Variants in SORCS2 observed in about 807,000 individuals in gnomAD.
SORCS2 encodes the protein VPS10 domain-containing receptor SorCS2.
In SORCS2, 100 loss-of-function variants were observed where a neutral mutation model predicts 141.6. The observed-to-expected ratio is 0.71, with a 90% CI of 0.60 to 0.83. The LOEUF is 0.83. SORCS2 is among the 40% of genes least tolerant of loss of function. The pLI, the probability that SORCS2 is intolerant of heterozygous loss-of-function variation, is 0.00. For synonymous variants in SORCS2, 789 were observed against 676.9 expected (o/e 1.17, Z -2.57); for missense variants, 1,646 against 1,560.2 (o/e 1.05, Z -0.93).
intron 3 of SORCS2, among the ~76,000 whole-genome samples, chr4:7,569,645 C>T (rs909300230): frequency 8.5e-5 from 13 of 152,168 alleles, no homozygotes; most frequent in African/African-American, 2.7e-4. Flanking sequence ...GCAGATGCTC[C>T]GTGACTTCGC....
At chr4:7,351,159 C>T (rs1353125022) in intron 1 of SORCS2, among the ~76,000 whole-genome samples, 2 of 152,190 alleles carry the variant, frequency 1.3e-5, no homozygotes, top group Non-Finnish European at 1.5e-5. Context: ...CTGGTGGAAG[C>T]CCCTGGCCCT....
At chr4:7,641,818 G>GGATGGATGGA (rs1560449730) in intron 4 of SORCS2, among the ~76,000 whole-genome samples, 2 of 55,934 alleles carry the variant, frequency 3.6e-5, no homozygotes, top group Non-Finnish European at 7.7e-5. Flanking sequence ...GGATGGATGG[G>GGATGGATGGA]TGGGTGGATG....
rs376924146 is a variant in SORCS2, at chr4:7,210,477, C to T, written c.480+17351C>T. On this transcript the variant is annotated intron_variant, in intron 1 of 26. Coordinates refer to ENST00000507866, the MANE Select transcript of SORCS2 (RefSeq NM_020777.3). ...TAATTTTTTTGTAGAGATGAGATCT[C>T]GCTGTGTTGCCCAGGCTGGTGTTGA... is the stretch of plus-strand genomic sequence containing the variant. Among the ~76,000 whole-genome samples the T allele has an allele frequency of 4.6e-5, 7 of 152,278 alleles. No individual in the cohort carries two copies. In the East Asian group the frequency reaches 7.7e-4, roughly 17 times the overall value.
At chr4:7,458,351 C>G (rs764590492) in intron 2 of SORCS2, among the ~76,000 whole-genome samples, 4 of 152,088 alleles carry the variant, frequency 2.6e-5, no homozygotes, top group Non-Finnish European at 5.9e-5. Flanking sequence ...CTCAGCGGAG[C>G]AGGGCTGGGT....
chr4:7,389,870 G>A (rs1197505805), intron 1 of SORCS2, among the ~76,000 whole-genome samples: 1 of 152,128 alleles, frequency 6.6e-6, no homozygotes, highest in African/African-American at 2.4e-5. Context: ...CTGAGGGATG[G>A]GAGGAGCCCC....
chr4:7,233,877 C>T lies in SORCS2; in HGVS notation c.480+40751C>T, dbSNP rs1167781325. Among the ~76,000 whole-genome samples, 1 of 152,176 alleles carries T rather than the reference C, an allele frequency of 6.6e-6. No homozygotes were observed. The highest frequency in any genetic ancestry group is 1.5e-5 in the Non-Finnish European group (1 of 68,036). ...GAGGTTTGCACTTGTAATACACTGT[C>T]CTGTCCGCTATCCCATCCCCTTCTC... On this transcript the variant is annotated intron_variant, in intron 1 of 26. Transcript: ENST00000507866. The surrounding 1 kb of genome is among the most constrained non-coding windows in gnomAD (Gnocchi z 4.5).
chr4:7,566,869 C>G (rs1328173342), intron 3 of SORCS2, among the ~76,000 whole-genome samples: 1 of 151,628 alleles, frequency 6.6e-6, no homozygotes, highest in Non-Finnish European at 1.5e-5. Context: ...CTGGGAAATG[C>G]AGAGGGGGCA....
intron 1 of SORCS2, among the ~76,000 whole-genome samples, chr4:7,208,362 G>A (rs1727866838): frequency 6.6e-6 from 1 of 152,194 alleles, no homozygotes; most frequent in South Asian, 2.1e-4. Context: ...GGCACTGTGT[G>A]CTGAAGACTT....
Position 7,703,296 on chromosome 4 carries a change from A to G in SORCS2, c.1685A>G (p.His562Arg). 2 of 1,612,694 alleles carry G rather than the reference A, an allele frequency of 1.2e-6. No individual in the cohort carries two copies. Among genetic ancestry groups the G allele is most frequent in the Non-Finnish European group, 1.7e-6 (2 of 1,179,334 alleles). The change falls in exon 13 of 27, where the codon CAT becomes CGT. Residue 562 changes from histidine to arginine, a missense_variant. Coordinates refer to ENST00000507866, the MANE Select transcript of SORCS2 (RefSeq NM_020777.3). The stretch of plus-strand genomic sequence containing the variant: ...CCTCTGCAGGTGTTTGAGGAAGAGC[A>G]TCACATCCTGTACCTGGACCACGGC... ...HTWRQVFEEE[H>R]HILYLDHGGV...
intron 20 of SORCS2, 112 bp downstream of exon 20, chr4:7,725,399 C>A: frequency 1.4e-6 from 2 of 1,405,704 alleles, no homozygotes; most frequent in Non-Finnish European, 1.9e-6. Flanking sequence ...GTGTAGGGTG[C>A]ACTCCTCACC....
At chr4:7,421,669 T>C (rs1726068615) in intron 2 of SORCS2, among the ~76,000 whole-genome samples, 1 of 152,120 alleles carries the variant, frequency 6.6e-6, no homozygotes, top group African/African-American at 2.4e-5. Context: ...CTCCAGTGGC[T>C]CCGGGGACAG....
intron 1 of SORCS2, among the ~76,000 whole-genome samples, chr4:7,259,470 C>CTGTGCTGAGGGCGCTCTTCCTGG (rs1714164805): frequency 6.6e-6 from 1 of 152,090 alleles, no homozygotes; most frequent in South Asian, 2.1e-4. Flanking sequence ...GAAATGGTTG[C>CTGTGCTGAGGGCGCTCTTCCTGG]TGTGCTGAGG....
At chr4:7,501,727 C>T (rs1051536718) in intron 2 of SORCS2, among the ~76,000 whole-genome samples, 12 of 152,194 alleles carry the variant, frequency 7.9e-5, no homozygotes, top group Admixed American at 7.8e-4. Context: ...GTGTATTTTT[C>T]CTTCTCCTGC....
chr4:7,202,102 C>G (rs980009984), intron 1 of SORCS2, among the ~76,000 whole-genome samples: 3 of 152,200 alleles, frequency 2.0e-5, no homozygotes, highest in Non-Finnish European at 4.4e-5. Flanking sequence ...TCTCCCCGCT[C>G]CCAGCAGGTT....
Position 7,709,446 on chromosome 4 carries a change from T to C in SORCS2, c.1869-3287T>C, listed in dbSNP as rs539996082. Reference sequence around the variant, plus strand: ...GAGGCATTTTATCCCAGAAGGATAATGGCCGAATTCACAGCCAGGTGCTAT... The same window carrying C: ...GAGGCATTTTATCCCAGAAGGATAACGGCCGAATTCACAGCCAGGTGCTAT... On this transcript the variant is annotated intron_variant, in intron 14 of 26. Coordinates refer to ENST00000507866, the MANE Select transcript of SORCS2 (RefSeq NM_020777.3). Among the ~76,000 whole-genome samples the C allele has an allele frequency of 1.5e-4, 23 of 152,366 alleles. No homozygotes were observed. The South Asian group carries it at 4.8e-3, about 32-fold the overall frequency.
intron 2 of SORCS2, among the ~76,000 whole-genome samples, chr4:7,498,166 C>G (rs913321956): frequency 6.6e-6 from 1 of 152,180 alleles, no homozygotes; most frequent in Non-Finnish European, 1.5e-5. Flanking sequence ...GGGGTTCCTC[C>G]TAGTCCTCCC....
At chr4:7,730,568 G>A (rs1019254031) in intron 23 of SORCS2, among the ~76,000 whole-genome samples, 6 of 152,194 alleles carry the variant, frequency 3.9e-5, no homozygotes, top group African/African-American at 1.2e-4. Flanking sequence ...AAGGAACGAA[G>A]CCCTTGACAC....
chr4:7,485,369 CCTCCACAACTATCCCGTCACA>C (rs1479960306), intron 2 of SORCS2, among the ~76,000 whole-genome samples: 1 of 152,238 alleles, frequency 6.6e-6, no homozygotes, highest in African/African-American at 2.4e-5. Context: ...CCCGGAGTTG[CCTCCACAACTATCCCGTCACA>C]CCAGGGCTGG....
intron 2 of SORCS2, among the ~76,000 whole-genome samples, chr4:7,427,851 GC>G (rs971233949): frequency 7.7e-6 from 1 of 130,646 alleles, no homozygotes; most frequent in Non-Finnish European, 1.7e-5. Flanking sequence ...CCGCCCCCCC[GC>G]CCCCCCGCAC....
Sources: gnomAD v4.1 joint callset for allele counts (sites outside exome capture counted in the v4.1 genomes callset) on GRCh38, gnomAD v4.1.1 for gene constraint, Gnocchi (gnomAD v3.1) non-coding constraint, MANE v1.5 for transcripts, NCBI Gene and HGNC (gene_info 2026-07-23, HGNC 2026-07-21) for gene names.